The following PDHX variants were observed in gnomAD, a reference collection of about 807,000 sequenced individuals.
PDHX encodes pyruvate dehydrogenase complex component X, also known as pyruvate dehydrogenase protein X component, mitochondrial.
Under a neutral mutation model 55.3 loss-of-function variants are expected in PDHX, and 33 were observed. The ratio of observed to expected loss-of-function variants is 0.60; its 90% CI spans 0.45 to 0.80. The LOEUF is 0.80. PDHX is among the 30% of genes least tolerant of loss of function. PDHX has a pLI of 0.00. For missense variants in PDHX, 622 were observed against 619.9 expected, an observed-to-expected ratio of 1.00 and a Z score of -0.04; for synonymous variants, 226 against 219.4, an observed-to-expected ratio of 1.03 and a Z score of -0.27.
intron 7 of PDHX, among the ~76,000 whole-genome samples, chr11:34,971,905 AC>A (rs1200693673): frequency 9.9e-5 from 15 of 152,008 alleles, no homozygotes; most frequent in African/African-American, 3.6e-4. Context: ...AAGGTTTTTA[AC>A]TATGAATTTT....
chr11:34,932,857 A>G (rs893526526), intron 2 of PDHX, among the ~76,000 whole-genome samples: 7 of 152,272 alleles, frequency 4.6e-5, no homozygotes, highest in Non-Finnish European at 7.4e-5. Flanking sequence ...TGGTTAGTAC[A>G]GGATTTGTTG....
At chr11:34,942,815 CCT>C (rs1242435310) in intron 2 of PDHX, among the ~76,000 whole-genome samples, 1 of 152,004 alleles carries the variant, frequency 6.6e-6, no homozygotes, top group Non-Finnish European at 1.5e-5. Flanking sequence ...TCTCTTTTGT[CCT>C]CTCCTTTTTT....
chr11:34,917,324 C>T lies in PDHX; in HGVS notation c.160+509C>T, dbSNP rs148566811. Among the ~76,000 whole-genome samples the T allele has an allele frequency of 2.6e-5, 4 of 152,260 alleles. No individual in the cohort carries two copies. In the East Asian group the frequency reaches 7.7e-4, roughly 29 times the overall value. On this transcript the variant is annotated intron_variant, in intron 1 of 10. Transcript: ENST00000227868. ...GTGGAAGACTTAAATTTGTAAATTC[C>T]TACGGCATCACGATAGACAAAGGTC...
Position 34,916,725 on chromosome 11 carries a change from C to G in PDHX, c.70C>G (p.Arg24Gly), listed in dbSNP as rs11539201. Residue 24 changes from arginine (R) to glycine (G), a missense_variant, in exon 1 of 11, where the codon CGA (arginine) becomes GGA (glycine). Transcript: ENST00000227868. ...TTATCTTGTGGGCTTCCCCGGCCGC[C>G]GAAGCGTAGGGCTGGTGAAGGGGGC... ...LRYLVGFPGR[R>G]SVGLVKGALG... 54,236 of 1,613,134 alleles carry G rather than the reference C, an allele frequency of 0.034. 1,117 individuals carry two copies. The highest frequency in any genetic ancestry group is 0.045 in the South Asian group (4,117 of 90,980).
chr11:34,954,969 TA>T (rs1456289015), intron 3 of PDHX, among the ~76,000 whole-genome samples: 1 of 152,166 alleles, frequency 6.6e-6, no homozygotes, highest in Non-Finnish European at 1.5e-5. Flanking sequence ...GAGGGAAGGC[TA>T]ATATTTGAAA....
Position 34,995,468 on chromosome 11 carries a change from A to G in PDHX, c.*296A>G. On this transcript the variant is annotated 3_prime_UTR_variant, in exon 11 of 11. Transcript: ENST00000227868. ...TATTAAACTAGATGTAAATCAAAGT[A>G]TATGTTTGGCTCATTTGAGCATTTT... is the stretch of plus-strand genomic sequence containing the variant. 2.7e-6 allele frequency: 1 copy of G among 368,892 alleles called. No individual in the cohort carries two copies. The highest frequency in any genetic ancestry group is 5.1e-6 in the Non-Finnish European group (1 of 194,238). The allele number at this position is 368,892 out of a possible 1,614,324, so 22.9% of individuals were successfully genotyped here.
intron 7 of PDHX, among the ~76,000 whole-genome samples, chr11:34,974,301 A>G (rs911341059): frequency 2.0e-5 from 3 of 152,162 alleles, no homozygotes; most frequent in Non-Finnish European, 2.9e-5. Context: ...TCCACTTGGC[A>G]TTATGTCTTC....
At chr11:34,980,352 C>CTTTTTTTTTTTTTTGTTTTT (rs1855482708) in intron 8 of PDHX, among the ~76,000 whole-genome samples, 1 of 74,822 alleles carries the variant, frequency 1.3e-5, no homozygotes, top group Non-Finnish European at 2.6e-5. Flanking sequence ...AAGATAGTTT[C>CTTTTTTTTTTTTTTGTTTTT]TTTTTTTTTT....
intron 9 of PDHX, among the ~76,000 whole-genome samples, chr11:34,988,469 T>C (rs1423869000): frequency 6.6e-6 from 1 of 152,034 alleles, no homozygotes; most frequent in African/African-American, 2.4e-5. Flanking sequence ...ACCACTCAGC[T>C]TTGCTGCTTC....
intron 1 of PDHX, among the ~76,000 whole-genome samples, chr11:34,927,569 T>C (rs2915197): frequency 0.78 from 119,272 of 151,970 alleles, 46,968 homozygotes; most frequent in East Asian, 0.83. Flanking sequence ...TCACTTCAAG[T>C]TTATCTTACG....
At chr11:34,946,563 C>G (rs918491245) in intron 2 of PDHX, among the ~76,000 whole-genome samples, 3 of 152,136 alleles carry the variant, frequency 2.0e-5, no homozygotes, top group African/African-American at 7.2e-5. Flanking sequence ...TGCCACCATC[C>G]AAGGAATTTT....
At chr11:34,916,585 C>A, upstream of PDHX, 1 of 1,581,840 alleles carries the variant, frequency 6.3e-7, no homozygotes, top group Non-Finnish European at 8.6e-7. Flanking sequence ...CGTGGCCAAC[C>A]ATGCGGGAGG....
chr11:34,943,756 T>C (rs1263416554), intron 2 of PDHX, among the ~76,000 whole-genome samples: 1 of 152,168 alleles, frequency 6.6e-6, no homozygotes, highest in Non-Finnish European at 1.5e-5. Flanking sequence ...TATAAGTGTA[T>C]TACCTTCTAC....
At chr11:34,960,128 G>A (rs1035634249) in intron 4 of PDHX, among the ~76,000 whole-genome samples, 4 of 152,162 alleles carry the variant, frequency 2.6e-5, no homozygotes, top group African/African-American at 9.7e-5. Flanking sequence ...TGGTAGTTGT[G>A]ATGAGCACCC....
At chr11:34,917,561 T>C (rs1162170112) in intron 1 of PDHX, among the ~76,000 whole-genome samples, 1 of 152,114 alleles carries the variant, frequency 6.6e-6, no homozygotes, top group Non-Finnish European at 1.5e-5. Context: ...GGATGGAGAA[T>C]AGGACTGACG....
chr11:34,979,628 A>T (rs1855461845), intron 8 of PDHX, among the ~76,000 whole-genome samples: 1 of 152,154 alleles, frequency 6.6e-6, no homozygotes, highest in South Asian at 2.1e-4. Context: ...TTATTCATAT[A>T]ACTTTTCTCT....
intron 5 of PDHX, among the ~76,000 whole-genome samples, chr11:34,961,258 C>T (rs995004945): frequency 1.3e-5 from 2 of 152,136 alleles, no homozygotes; most frequent in African/African-American, 4.8e-5. Flanking sequence ...TGTTCTGCAA[C>T]ACTGGTTTAA....
chr11:34,967,256 A>G (rs757006410), intron 6 of PDHX, among the ~76,000 whole-genome samples: 5 of 152,230 alleles, frequency 3.3e-5, no homozygotes, highest in Non-Finnish European at 4.4e-5. Context: ...ATCCGTTTCA[A>G]TAGTAGCTAA....
rs778253020 is a variant in PDHX, at chr11:34,947,622, A to G, written c.342+16A>G. On this transcript the variant is annotated intron_variant, in intron 3 of 10. Transcript: ENST00000227868. Reference sequence around the variant, plus strand: ...CAAAATCGTGGTAAGTTTTTATTTTAATTTTCTTCAACAGGATGAAGATTT... The same window carrying G: ...CAAAATCGTGGTAAGTTTTTATTTTGATTTTCTTCAACAGGATGAAGATTT... 3.1e-5 allele frequency: 46 copies of G among 1,501,228 alleles called. No individual in the cohort carries two copies. Among genetic ancestry groups the G allele is most frequent in the Non-Finnish European group, 4.2e-5 (45 of 1,076,354 alleles). 93.0% of individuals were successfully genotyped at this position (1,501,228 alleles called of 1,614,324 possible). A position where few individuals can be genotyped will look rare whatever the true frequency, so the allele number is the denominator to read the frequency against.
Sources: allele counts gnomAD v4.1 joint callset (sites outside exome capture counted in the v4.1 genomes callset), GRCh38; gene constraint gnomAD v4.1.1; transcripts MANE v1.5; gene names NCBI Gene and HGNC (gene_info 2026-07-23, HGNC 2026-07-21).